ADGRL3: variants seen among roughly 807,000 people sequenced by gnomAD.
ADGRL3 encodes calcium-independent alpha-latrotoxin receptor 3.
In ADGRL3, 62 loss-of-function variants were observed where a neutral mutation model predicts 153.5. The observed-to-expected ratio is 0.40, with a 90% CI of 0.33 to 0.50. The LOEUF is 0.50. Among genes scored for constraint, ADGRL3 ranks in the 20% least tolerant of loss-of-function variants. ADGRL3 has a pLI of 0.47. For missense variants in ADGRL3, 1,641 were observed against 1,859.4 expected (o/e 0.88, Z 2.16); for synonymous variants, 710 against 672.5 (o/e 1.06, Z -0.86).
intron 1 of ADGRL3, among the ~76,000 whole-genome samples, chr4:61,366,843 A>G (rs1578456539): frequency 6.6e-6 from 1 of 152,290 alleles, no homozygotes; most frequent in Non-Finnish European, 1.5e-5. Flanking sequence ...TTGAATAGTC[A>G]AACCAAGACT....
chr4:62,051,507 G>GAAA (rs140065634), intron 25 of ADGRL3, among the ~76,000 whole-genome samples: 11 of 147,694 alleles, frequency 7.4e-5, no homozygotes, highest in Non-Finnish European at 1.5e-4. Context: ...ATCTGAAAAA[G>GAAA]AAAAAAAAAA....
At chr4:61,872,979 C>T (rs950862366) in intron 9 of ADGRL3, among the ~76,000 whole-genome samples, 5 of 151,928 alleles carry the variant, frequency 3.3e-5, no homozygotes, top group African/African-American at 9.7e-5. Context: ...ACTGTAGTGC[C>T]GTATGATTTG....
chr4:61,694,840 T>C (rs924254203), intron 6 of ADGRL3, among the ~76,000 whole-genome samples: 9 of 152,352 alleles, frequency 5.9e-5, no homozygotes, highest in South Asian at 4.1e-4. Context: ...GTTTATGTAA[T>C]ATTCCAAATC....
intron 17 of ADGRL3, 31 bp from the exon 18 acceptor site, chr4:61,979,532 G>T (rs2271337): frequency 6.3e-7 from 1 of 1,589,728 alleles, no homozygotes. Context: ...ATGCATAAGC[G>T]CAACTTATGG....
chr4:61,353,032 A>G (rs563775079), intron 1 of ADGRL3, among the ~76,000 whole-genome samples: 2 of 152,188 alleles, frequency 1.3e-5, no homozygotes, highest in Non-Finnish European at 2.9e-5. Flanking sequence ...AATCCTATGA[A>G]AGGGATCTTT....
chr4:61,496,630 G>A (rs1406306523), intron 2 of ADGRL3, among the ~76,000 whole-genome samples: 5 of 138,122 alleles, frequency 3.6e-5, no homozygotes, highest in South Asian at 2.4e-4. Context: ...CAAAAACAGC[G>A]AAATTCCATT....
Position 61,432,656 on chromosome 4 carries a change from T to TTCTTTCTTTCTCTTTC in ADGRL3, c.-174+49468_-174+49469insCTTTCTTTCTCTTTCT, listed in dbSNP as rs2097385424. Among the ~76,000 whole-genome samples, 3 of 46,448 alleles carry TTCTTTCTTTCTCTTTC rather than the reference T, an allele frequency of 6.5e-5. 1 individual carries two copies. Among genetic ancestry groups the TTCTTTCTTTCTCTTTC allele is most frequent in the African/African-American group, 2.0e-4 (3 of 14,836 alleles). The allele number at this position is 46,448 out of a possible 152,430, so 30.5% of individuals were successfully genotyped here. A position where few individuals can be genotyped will look rare whatever the true frequency, so the allele number is the denominator to read the frequency against. Reference sequence around the variant, plus strand: ...TTTCTTTCTTTCTTTCTTTCTTTCTTTTTTTTTTTTTTTTGAGACAGAATT... The same window carrying TTCTTTCTTTCTCTTTC: ...TTTCTTTCTTTCTTTCTTTCTTTCTTTCTTTCTTTCTCTTTCTTTTTTTTTTTTTTGAGACAGAATT... On this transcript the variant is annotated intron_variant, in intron 2 of 26. Transcript: ENST00000683033.
At chr4:61,865,956 C>A (rs1212712272) in intron 9 of ADGRL3, among the ~76,000 whole-genome samples, 1 of 152,000 alleles carries the variant, frequency 6.6e-6, no homozygotes, top group Non-Finnish European at 1.5e-5. Flanking sequence ...TTTGTATTAC[C>A]CCATTGAGGA....
chr4:61,417,821 G>A (rs920487814), intron 2 of ADGRL3, among the ~76,000 whole-genome samples: 2 of 151,964 alleles, frequency 1.3e-5, no homozygotes, highest in Non-Finnish European at 2.9e-5. Context: ...TAGTTTTGGG[G>A]GTTAACCTTT....
intron 1 of ADGRL3, among the ~76,000 whole-genome samples, chr4:61,337,461 T>C (rs2095703518): frequency 6.6e-6 from 1 of 152,202 alleles, no homozygotes; most frequent in African/African-American, 2.4e-5. Flanking sequence ...TACAGCAGAC[T>C]GGAGAAATGC....
intron 2 of ADGRL3, among the ~76,000 whole-genome samples, chr4:61,437,815 T>A (rs1017114373): frequency 6.6e-6 from 1 of 152,140 alleles, no homozygotes; most frequent in Non-Finnish European, 1.5e-5. Flanking sequence ...CATGTTGTTT[T>A]CCCTGCCTTG....
rs139778828 is a variant in ADGRL3 at position 61,333,473 on chromosome 4, G to A, written c.-239-49651G>A. On this transcript the variant is annotated intron_variant, in intron 1 of 26. Coordinates refer to ENST00000683033, the MANE Select transcript of ADGRL3 (RefSeq NM_001387552.1). Reference sequence around the variant, plus strand: ...TTGAAGTGTGGTGTATCACTTATACGGTGTTGTATTTATTCTTCACATGTT... The same window carrying A: ...TTGAAGTGTGGTGTATCACTTATACAGTGTTGTATTTATTCTTCACATGTT... 1.7e-3 allele frequency among the ~76,000 whole-genome samples: 260 copies of A among 152,106 alleles called. 1 individual carries two copies. Among genetic ancestry groups the A allele is most frequent in the South Asian group, 7.5e-3 (36 of 4,818 alleles).
chr4:61,758,312 T>A lies in ADGRL3; in HGVS notation c.1399+24758T>A, dbSNP rs114410432. Among the ~76,000 whole-genome samples, 639 of 152,212 alleles carry A rather than the reference T, an allele frequency of 4.2e-3. 3 individuals are homozygous for A. Among genetic ancestry groups the A allele is most frequent in the African/African-American group, 0.014 (593 of 41,532 alleles). Reference sequence around the variant, plus strand: ...GTCTGCCATTATTATTGCCTGGGAGTCTACGTCTCTTTCTAGGTCTCTAAG... The same window carrying A: ...GTCTGCCATTATTATTGCCTGGGAGACTACGTCTCTTTCTAGGTCTCTAAG... On this transcript the variant is annotated intron_variant, in intron 8 of 26. Coordinates refer to ENST00000683033, the MANE Select transcript of ADGRL3 (RefSeq NM_001387552.1).
chr4:61,935,044 A>G lies in ADGRL3; in HGVS notation c.2296+21A>G, dbSNP rs2098832376. On this transcript the variant is annotated intron_variant, in intron 14 of 26. Transcript: ENST00000683033. ...TATTAGTAAGTGGCCTTTGTTATTCAGAAGGTCCAGACACTCTTGTATATC... is the reference window on the plus strand; with the variant it reads ...TATTAGTAAGTGGCCTTTGTTATTCGGAAGGTCCAGACACTCTTGTATATC... 6.2e-6 allele frequency: 10 copies of G among 1,604,754 alleles called. No homozygotes were observed. In the East Asian group the frequency reaches 2.2e-4, roughly 36 times the overall value.
intron 7 of ADGRL3, among the ~76,000 whole-genome samples, chr4:61,731,518 C>G (rs977563502): frequency 6.6e-6 from 1 of 151,982 alleles, no homozygotes; most frequent in African/African-American, 2.4e-5. Context: ...GTTTGCTTTG[C>G]AAATATATTA....
intron 4 of ADGRL3, among the ~76,000 whole-genome samples, chr4:61,542,633 A>T (rs1308267112): frequency 6.6e-6 from 1 of 152,084 alleles, no homozygotes; most frequent in Non-Finnish European, 1.5e-5. Context: ...ACCCTTTGAA[A>T]GTGTTTATAG....
chr4:61,526,435 T>C (rs889955177), intron 4 of ADGRL3, among the ~76,000 whole-genome samples: 4 of 152,032 alleles, frequency 2.6e-5, no homozygotes, highest in African/African-American at 7.2e-5. Flanking sequence ...CATTGGTTAA[T>C]TGTAAATCAT....
chr4:61,725,462 G>A (rs2096313237), intron 6 of ADGRL3, among the ~76,000 whole-genome samples: 2 of 151,984 alleles, frequency 1.3e-5, no homozygotes, highest in Non-Finnish European at 1.5e-5. Flanking sequence ...AGGCGTGGTG[G>A]CAGGTGCCTG....
intron 19 of ADGRL3, among the ~76,000 whole-genome samples, chr4:61,993,290 C>CTTT (rs761710043): frequency 1.3e-4 from 9 of 69,200 alleles, no homozygotes; most frequent in Non-Finnish European, 2.0e-4. Context: ...TCTTTCTTTC[C>CTTT]TTTTTTTTTT....
Sources: gnomAD v4.1 joint callset for allele counts (sites outside exome capture counted in the v4.1 genomes callset) on GRCh38, gnomAD v4.1.1 for gene constraint, MANE v1.5 for transcripts, NCBI Gene and HGNC (gene_info 2026-07-23, HGNC 2026-07-21) for gene names.